NCOR2: variants seen among roughly 807,000 people sequenced by gnomAD.
The protein encoded by NCOR2 is CTG repeat protein 26.
Under a neutral mutation model 262.9 loss-of-function variants are expected in NCOR2, and 81 were observed. That is an observed-to-expected ratio of 0.31 (90% confidence interval 0.26 to 0.37). The LOEUF is 0.37. NCOR2 is among the 10% of genes least tolerant of loss of function. The probability of loss-of-function intolerance (pLI) is 1.00; values close to 1 mark genes in which losing one functional copy is unlikely to be tolerated. For synonymous variants in NCOR2, 1,659 were observed against 1,559.3 expected (o/e 1.06, Z -1.51); for missense variants, 3,385 against 3,621.4 (o/e 0.93, Z 1.68).
exon 47 of NCOR2, chr12:124,325,376 C>CGGGGGGGGGGGGGGG: frequency 2.3e-6 from 1 of 426,506 alleles, no homozygotes; most frequent in Non-Finnish European, 3.4e-6. Context: ...GACCTGACAC[C>CGGGGGGGGGGGGGGG]GCCCCCCCCC....
At chr12:124,385,366 C>G (rs1235764642) in intron 17 of NCOR2, among the ~76,000 whole-genome samples, 1 of 152,194 alleles carries the variant, frequency 6.6e-6, no homozygotes, top group East Asian at 1.9e-4. Context: ...CCATTTGCCT[C>G]CGGGTCCTCA....
chr12:124,371,769 C>A (rs1334994735), intron 20 of NCOR2, among the ~76,000 whole-genome samples: 1 of 152,182 alleles, frequency 6.6e-6, no homozygotes, highest in Non-Finnish European at 1.5e-5. Flanking sequence ...CCTAGCGCTG[C>A]CCAGGGCTGC....
intron 1 of NCOR2, among the ~76,000 whole-genome samples, chr12:124,550,551 A>G (rs952452663): frequency 2.0e-5 from 3 of 152,116 alleles, no homozygotes; most frequent in African/African-American, 7.2e-5. Context: ...ATCAGAAACT[A>G]CATTGGCCAG....
At chr12:124,479,980 C>A (rs1029212930) in intron 3 of NCOR2, among the ~76,000 whole-genome samples, 2 of 152,260 alleles carry the variant, frequency 1.3e-5, no homozygotes, top group Non-Finnish European at 2.9e-5. Flanking sequence ...TGACTTGGCA[C>A]GTGGCAGGCA....
chr12:124,345,009 G>A, intron 31 of NCOR2, 58 bp from the exon 34 acceptor site: 2 of 1,401,304 alleles, frequency 1.4e-6, no homozygotes, highest in African/African-American at 1.4e-5. Context: ...CAGACCAGCT[G>A]CATCCCCCTT....
intron 1 of NCOR2, among the ~76,000 whole-genome samples, chr12:124,510,908 T>A (rs138776035): frequency 6.6e-6 from 1 of 152,158 alleles, no homozygotes; most frequent in African/African-American, 2.4e-5. Context: ...ACCTCCCTCA[T>A]CAGAACCCGG....
intron 17 of NCOR2, among the ~76,000 whole-genome samples, chr12:124,382,750 GA>G (rs2040501916): frequency 6.6e-6 from 1 of 152,232 alleles, no homozygotes; most frequent in Admixed American, 6.5e-5. Context: ...AGCAGGCGCT[GA>G]ATATGGGGCT....
In NCOR2 at chr12:124,566,317, G is replaced by C. The variant is rs1334766611; in HGVS notation, c.-165+991C>G. On this transcript the variant is annotated intron_variant, in intron 1 of 32. Transcript: ENST00000458234. The surrounding 1 kb of genome is among the most constrained non-coding windows in gnomAD (Gnocchi z 4.3). ...GGAGAGCCGGAGCGCGCGACAGGCG[G>C]CGGGAGGACACTCGCTTCCAAAAAA... Among the ~76,000 whole-genome samples the C allele has an allele frequency of 6.6e-6, 1 of 152,234 alleles. No individual in the cohort carries two copies. Among genetic ancestry groups the C allele is most frequent in the African/African-American group, 2.4e-5 (1 of 41,452 alleles).
chr12:124,336,666 C>T, intron 38 of NCOR2, 87 bp downstream of exon 40: 9 of 1,540,766 alleles, frequency 5.8e-6, no homozygotes, highest in Non-Finnish European at 7.9e-6. Context: ...TTGGCCAGCG[C>T]ACCTCCTTCT....
Position 124,479,334 on chromosome 12 carries a change from ACAAAC to A in NCOR2, c.411+4257_411+4261del, listed in dbSNP as rs1438297892. The stretch of plus-strand genomic sequence containing the variant: ...CGGACACATGCACACACGTGCGCAC[ACAAAC>A]ACACATACACACGTGCAACACATGC... On this transcript the variant is annotated intron_variant, in intron 3 of 46. Transcript: ENST00000405201. 4.0e-5 allele frequency among the ~76,000 whole-genome samples: 6 copies of A among 151,278 alleles called. No homozygotes were observed. In the East Asian group the frequency reaches 1.3e-3, roughly 33 times the overall value.
In NCOR2 at chr12:124,481,017, G is replaced by A. The variant is rs537888618; in HGVS notation, c.411+2579C>T. Among the ~76,000 whole-genome samples, 1,137 of 152,074 alleles carry A rather than the reference G, an allele frequency of 7.5e-3. 12 individuals are homozygous for A. The highest frequency in any genetic ancestry group is 0.051 in the Middle Eastern group (15 of 294). ...CAGGCAGATGGGCTGGGTGGCGCTG[G>A]GTGGTGGCTGGGAGTGGCTCTGTGG... On this transcript the variant is annotated intron_variant, in intron 3 of 46. Coordinates refer to ENST00000405201, the Ensembl canonical transcript of NCOR2. The surrounding 1 kb of genome is among the most constrained non-coding windows in gnomAD (Gnocchi z 4.6).
chr12:124,347,613 C>A, intron 30 of NCOR2: 2 of 576,756 alleles, frequency 3.5e-6, no homozygotes, highest in East Asian at 5.7e-5. Context: ...CAGGGGTGAT[C>A]GGTGGTATTT....
Position 124,510,395 on chromosome 12 carries a change from C to T in NCOR2, c.-117-15027G>A, listed in dbSNP as rs116630958. On this transcript the variant is annotated intron_variant, in intron 1 of 46. Transcript: ENST00000404621. ...CCCTGAGCAGCCACGGGAGGGAACA[C>T]CTCGCAGCCACTGGCACAGCCAGTC... Among the ~76,000 whole-genome samples the T allele has an allele frequency of 5.1e-3, 770 of 152,356 alleles. 8 individuals carry two copies. Among genetic ancestry groups the T allele is most frequent in the Middle Eastern group, 0.017 (5 of 294 alleles).
intron 37 of NCOR2, among the ~76,000 whole-genome samples, chr12:124,339,429 T>C (rs1266205342): frequency 7.3e-6 from 1 of 136,148 alleles, no homozygotes; most frequent in Non-Finnish European, 1.6e-5. Flanking sequence ...ACAGCTAACT[T>C]GGCCATCTAT....
At chr12:124,340,671 G>A (rs768643536) in exon 35 of NCOR2, 44 of 1,512,990 alleles carry the variant, frequency 2.9e-5, no homozygotes, top group Non-Finnish European at 3.3e-5. Flanking sequence ...TAGGCAAGGC[G>A]GTCCATGGCG....
intron 1 of NCOR2, among the ~76,000 whole-genome samples, chr12:124,542,320 C>T (rs1041175518): frequency 2.6e-5 from 4 of 152,112 alleles, no homozygotes; most frequent in Non-Finnish European, 5.9e-5. Flanking sequence ...AGCCCAGCCT[C>T]CCCTGACCAG....
rs61751355 is a variant in NCOR2 at position 124,422,513 on chromosome 12, G to A, written c.1371C>T (p.Phe457=). The change falls in exon 12 of 47, where the codon TTC becomes TTT. Residue 457 remains phenylalanine, a synonymous_variant. Transcript: ENST00000405201. ...GGCAGCGACTCACCTTCCTCTCCAG[G>A]AATGATGCGATCAGGCCAAAGTTCT... 3.4e-3 allele frequency: 5,551 copies of A among 1,614,058 alleles called. 15 individuals carry two copies. The highest frequency in any genetic ancestry group is 4.0e-3 in the Non-Finnish European group (4,715 of 1,180,004).
chr12:124,331,131 C>T (rs1287957030), intron 43 of NCOR2, among the ~76,000 whole-genome samples: 1 of 148,624 alleles, frequency 6.7e-6, no homozygotes, highest in Non-Finnish European at 1.5e-5. Flanking sequence ...TGTGCAATCT[C>T]GGCTCCCTGC....
At chr12:124,521,108 G>A (rs901544078) in intron 1 of NCOR2, among the ~76,000 whole-genome samples, 14 of 152,210 alleles carry the variant, frequency 9.2e-5, no homozygotes, top group African/African-American at 3.1e-4. Context: ...TGGGGCCCAG[G>A]GGGGAGGTGG....
Sources: allele counts gnomAD v4.1 joint callset (sites outside exome capture counted in the v4.1 genomes callset), GRCh38; gene constraint gnomAD v4.1.1; non-coding constraint Gnocchi (gnomAD v3.1); transcripts MANE v1.5; gene names NCBI Gene and HGNC (gene_info 2026-07-23, HGNC 2026-07-21).